Variants in SYNPR observed in about 807,000 individuals in gnomAD.
The protein encoded by SYNPR is synaptoporin.
In SYNPR, 23 loss-of-function variants were observed where a neutral mutation model predicts 32.9. That is an observed-to-expected ratio of 0.70 (90% CI 0.50 to 0.99). The LOEUF (loss-of-function observed/expected upper bound fraction) is 0.99, where lower values mean the gene tolerates loss of function less well. SYNPR is among the 50% of genes least tolerant of loss of function. SYNPR has a pLI of 0.00. For missense variants in SYNPR, 318 were observed against 349.3 expected (o/e 0.91, Z 0.71); for synonymous variants, 146 against 135.9 (o/e 1.07, Z -0.52).
chr3:63,538,630 T>C (rs935277305), intron 3 of SYNPR, among the ~76,000 whole-genome samples: 3 of 152,094 alleles, frequency 2.0e-5, no homozygotes, highest in Non-Finnish European at 4.4e-5. Flanking sequence ...AAGCATTGCA[T>C]GTTTCTGCTT....
chr3:63,209,244 G>C, the SYNPR span, among the ~76,000 whole-genome samples: 2 of 151,762 alleles, frequency 1.3e-5, no homozygotes, highest in African/African-American at 2.4e-5. Context: ...CATGAACCCG[G>C]GGGGCGGAGC....
chr3:63,301,640 A>G (rs1022394258), intron 2 of SYNPR, among the ~76,000 whole-genome samples: 1 of 140,978 alleles, frequency 7.1e-6, no homozygotes, highest in Non-Finnish European at 1.5e-5. Context: ...TGAAAATGAC[A>G]TATTATAATT....
chr3:63,285,071 A>G (rs1227561418), intron 2 of SYNPR, among the ~76,000 whole-genome samples: 3 of 152,212 alleles, frequency 2.0e-5, no homozygotes, highest in African/African-American at 7.2e-5. Context: ...GCCATATCTT[A>G]TCCCTGATCC....
chr3:63,485,245 GA>G (rs1189207397), intron 3 of SYNPR, among the ~76,000 whole-genome samples: 1 of 152,040 alleles, frequency 6.6e-6, no homozygotes, highest in Non-Finnish European at 1.5e-5. Context: ...GTCACTGAAA[GA>G]CACCAAAAGG....
intron 2 of SYNPR, among the ~76,000 whole-genome samples, chr3:63,340,212 A>G (rs1036800845): frequency 2.0e-5 from 3 of 152,146 alleles, no homozygotes; most frequent in African/African-American, 4.8e-5. Context: ...CCATTCACTC[A>G]TTGAAGAATA....
chr3:63,331,210 GC>G (rs2087226978), intron 2 of SYNPR, among the ~76,000 whole-genome samples: 1 of 152,082 alleles, frequency 6.6e-6, no homozygotes, highest in African/African-American at 2.4e-5. Flanking sequence ...ACTGATCCAG[GC>G]AACCTTAAAA....
At chr3:63,607,538 T>C (rs1159494651) in intron 4 of SYNPR, among the ~76,000 whole-genome samples, 1 of 152,092 alleles carries the variant, frequency 6.6e-6, no homozygotes, top group Admixed American at 6.6e-5. Flanking sequence ...CAAGGTGTAA[T>C]TGAATGAAAA....
intron 3 of SYNPR, among the ~76,000 whole-genome samples, chr3:63,501,352 C>T (rs1701474908): frequency 1.3e-5 from 2 of 151,400 alleles, no homozygotes; most frequent in African/African-American, 2.4e-5. Context: ...GGTGGCATGC[C>T]CCTGTAGTCC....
chr3:63,285,625 G>A (rs1333376938), intron 2 of SYNPR, among the ~76,000 whole-genome samples: 1 of 152,084 alleles, frequency 6.6e-6, no homozygotes, highest in African/African-American at 2.4e-5. Context: ...GTGTCCAGAT[G>A]GATTCATCAC....
intron 2 of SYNPR, among the ~76,000 whole-genome samples, chr3:63,257,978 C>T (rs1406244374): frequency 6.6e-6 from 1 of 152,118 alleles, no homozygotes; most frequent in Non-Finnish European, 1.5e-5. Context: ...CGAAGAAGGC[C>T]ATTACATAAT....
chr3:63,534,797 A>G (rs966535465), intron 3 of SYNPR, among the ~76,000 whole-genome samples: 1 of 152,068 alleles, frequency 6.6e-6, no homozygotes, highest in African/African-American at 2.4e-5. Flanking sequence ...AAAGTTGGAG[A>G]AGGTCAGGCT....
intron 2 of SYNPR, among the ~76,000 whole-genome samples, chr3:63,257,325 C>T (rs1406444978): frequency 3.3e-5 from 5 of 152,156 alleles, no homozygotes; most frequent in Admixed American, 1.3e-4. Context: ...AGAGAAAGGT[C>T]GGGTTACCCA....
At chr3:63,328,231 G>A (rs1268818318) in intron 2 of SYNPR, among the ~76,000 whole-genome samples, 1 of 152,072 alleles carries the variant, frequency 6.6e-6, no homozygotes, top group African/African-American at 2.4e-5. Context: ...TTCACAAAAT[G>A]AGAGTGCCTT....
intron 2 of SYNPR, among the ~76,000 whole-genome samples, chr3:63,466,555 C>T (rs1027224793): frequency 1.3e-5 from 2 of 151,806 alleles, no homozygotes; most frequent in African/African-American, 2.4e-5. Context: ...TGATATTAGA[C>T]ATCAGTGCTT....
chr3:63,473,369 AG>A (rs1335506901), intron 2 of SYNPR, among the ~76,000 whole-genome samples: 2 of 150,448 alleles, frequency 1.3e-5, no homozygotes, highest in Non-Finnish European at 3.0e-5. Flanking sequence ...AGTTCCCTGG[AG>A]GTAGGGGAAG....
chr3:63,548,646 A>G (rs566743291), intron 3 of SYNPR, among the ~76,000 whole-genome samples: 1 of 152,326 alleles, frequency 6.6e-6, no homozygotes, highest in Non-Finnish European at 1.5e-5. Flanking sequence ...GTTCCTGTCG[A>G]CTGGTAAACA....
At chr3:63,464,566 G>T (rs1029835514) in intron 2 of SYNPR, among the ~76,000 whole-genome samples, 1 of 151,758 alleles carries the variant, frequency 6.6e-6, no homozygotes, top group Non-Finnish European at 1.5e-5. Flanking sequence ...CCAACTCAGC[G>T]TAACTTCTCG....
At chr3:63,493,119 C>T (rs1019932049) in intron 3 of SYNPR, among the ~76,000 whole-genome samples, 24 of 152,032 alleles carry the variant, frequency 1.6e-4, no homozygotes, top group Admixed American at 1.3e-3. Flanking sequence ...GGAAGTCCCA[C>T]GGTATACCTT....
At chr3:63,418,616 G>A (rs1260797928) in intron 2 of SYNPR, among the ~76,000 whole-genome samples, 1 of 152,204 alleles carries the variant, frequency 6.6e-6, no homozygotes, top group African/African-American at 2.4e-5. Flanking sequence ...GACTGGGGAG[G>A]CCGCACAACT....
Sources: allele counts gnomAD v4.1 joint callset (sites outside exome capture counted in the v4.1 genomes callset), GRCh38; gene constraint gnomAD v4.1.1; transcripts MANE v1.5; gene names NCBI Gene and HGNC (gene_info 2026-07-23, HGNC 2026-07-21).